NCAM2: variants seen among roughly 807,000 people sequenced by gnomAD.
The protein encoded by NCAM2 is neural cell adhesion molecule 2, also known as N-CAM-2.
Under a neutral mutation model 98.1 loss-of-function variants are expected in NCAM2, and 30 were observed. The ratio of observed to expected loss-of-function variants is 0.31; its 90% CI spans 0.23 to 0.41. NCAM2 has a LOEUF of 0.41. Ranked by LOEUF, NCAM2 falls within the 10% of genes least tolerant of loss-of-function variation. The probability of loss-of-function intolerance (pLI) is 1.00; values close to 1 mark genes in which losing one functional copy is unlikely to be tolerated. For synonymous variants in NCAM2, 368 were observed against 342.4 expected (o/e 1.07, Z -0.83); for missense variants, 867 against 1,005.8 (o/e 0.86, Z 1.87).
chr21:21,514,558 CTT>C (rs1035311035), intron 16 of NCAM2, among the ~76,000 whole-genome samples: 2 of 150,200 alleles, frequency 1.3e-5, no homozygotes, highest in Non-Finnish European at 3.0e-5. Context: ...TAATTTGTCT[CTT>C]GTCTTATTTT....
chr21:21,174,073 G>A (rs970128186), intron 1 of NCAM2, among the ~76,000 whole-genome samples: 3 of 151,980 alleles, frequency 2.0e-5, no homozygotes, highest in East Asian at 1.9e-4. Flanking sequence ...ACGAGCGTGC[G>A]CCACTACGCC....
At chr21:21,416,016 C>T (rs62207443) in intron 10 of NCAM2, among the ~76,000 whole-genome samples, 10,935 of 152,136 alleles carry the variant, frequency 0.072, 431 homozygotes, top group East Asian at 0.15. Flanking sequence ...CTGTTTGTTG[C>T]AATAGGCTTC....
chr21:21,330,270 A>C (rs2074635317), intron 6 of NCAM2, among the ~76,000 whole-genome samples: 2 of 152,084 alleles, frequency 1.3e-5, no homozygotes, highest in Admixed American at 6.6e-5. Flanking sequence ...ATTCTAATAC[A>C]AGCATCTGTT....
intron 16 of NCAM2, among the ~76,000 whole-genome samples, chr21:21,512,756 G>A (rs181488542): frequency 6.6e-6 from 1 of 151,968 alleles, no homozygotes; most frequent in African/African-American, 2.4e-5. Context: ...TCATCTTGAA[G>A]TTTTCATCAA....
chr21:21,103,242 A>AT (rs71193397), intron 1 of NCAM2, among the ~76,000 whole-genome samples: 152,148 of 152,148 alleles, frequency 1, 76,074 homozygotes, highest in Non-Finnish European at 1. Context: ...AATAGTATTT[A>AT]GGTTAGTCAT....
chr21:21,083,430 T>C (rs1002720762), intron 1 of NCAM2, among the ~76,000 whole-genome samples: 1 of 150,658 alleles, frequency 6.6e-6, no homozygotes, highest in Non-Finnish European at 1.5e-5. Flanking sequence ...CATCTTTTTT[T>C]TTTTTTTGAG....
At chr21:21,422,615 G>A (rs1175603021) in intron 11 of NCAM2, among the ~76,000 whole-genome samples, 1 of 151,978 alleles carries the variant, frequency 6.6e-6, no homozygotes, top group Non-Finnish European at 1.5e-5. Flanking sequence ...ACATTGGGGG[G>A]AAAAAGTAAT....
intron 1 of NCAM2, among the ~76,000 whole-genome samples, chr21:21,177,561 CAT>C (rs902392712): frequency 3.3e-5 from 5 of 152,150 alleles, no homozygotes; most frequent in South Asian, 2.1e-4. Flanking sequence ...ATGAATAGCA[CAT>C]GTCACATATA....
intron 15 of NCAM2, among the ~76,000 whole-genome samples, chr21:21,504,949 C>G (rs574022461): frequency 7.9e-5 from 12 of 151,724 alleles, no homozygotes; most frequent in Admixed American, 6.6e-4. Flanking sequence ...TCCAATTATA[C>G]TTTTAGTTAT....
chr21:21,093,568 C>T (rs1028935518), intron 1 of NCAM2, among the ~76,000 whole-genome samples: 1 of 151,998 alleles, frequency 6.6e-6, no homozygotes, highest in African/African-American at 2.4e-5. Flanking sequence ...ATCTTTAAAA[C>T]TTGCATCACA....
intron 15 of NCAM2, among the ~76,000 whole-genome samples, chr21:21,478,655 A>T (rs1001097785): frequency 6.6e-6 from 1 of 152,102 alleles, no homozygotes; most frequent in African/African-American, 2.4e-5. Context: ...CCAAATTATA[A>T]TTTAAAATTA....
chr21:21,416,895 ATG>A (rs796422565), intron 10 of NCAM2, among the ~76,000 whole-genome samples: 252 of 151,266 alleles, frequency 1.7e-3, no homozygotes, highest in African/African-American at 5.5e-3. Context: ...ATGTGTGTGG[ATG>A]TGTGTGTGTG....
At chr21:21,220,256 A>G (rs1337604708) in intron 1 of NCAM2, among the ~76,000 whole-genome samples, 2 of 152,206 alleles carry the variant, frequency 1.3e-5, no homozygotes, top group Non-Finnish European at 2.9e-5. Context: ...AGCAACTTCT[A>G]GTCCTGCAAG....
chr21:21,254,915 T>A (rs1217352559), intron 1 of NCAM2, among the ~76,000 whole-genome samples: 2 of 147,722 alleles, frequency 1.4e-5, no homozygotes, highest in Non-Finnish European at 1.5e-5. Context: ...TGTGTGTGTG[T>A]GTGTGTGTGT....
At chr21:21,531,909 C>T (rs2146421001) in intron 16 of NCAM2, among the ~76,000 whole-genome samples, 2 of 150,586 alleles carry the variant, frequency 1.3e-5, no homozygotes, top group Non-Finnish European at 3.0e-5. Flanking sequence ...AGGAGAATGG[C>T]GTGAACCCAG....
At chr21:21,040,523 A>C (rs908358617) in intron 1 of NCAM2, among the ~76,000 whole-genome samples, 1 of 152,146 alleles carries the variant, frequency 6.6e-6, no homozygotes, top group Non-Finnish European at 1.5e-5. Context: ...GCTCACAAGG[A>C]TATAGGACAA....
chr21:21,400,237 G>T (rs1470086411), intron 9 of NCAM2, among the ~76,000 whole-genome samples: 1 of 152,182 alleles, frequency 6.6e-6, no homozygotes, highest in Non-Finnish European at 1.5e-5. Context: ...TAATGTCAGA[G>T]ATTCAGTCAA....
chr21:21,373,768 G>T, intron 8 of NCAM2, 95 bp from the exon 9 acceptor site: 1 of 1,097,350 alleles, frequency 9.1e-7, no homozygotes, highest in Non-Finnish European at 1.2e-6. Flanking sequence ...CTTTTTGCCA[G>T]AGAAACATGG....
chr21:21,526,092 C>G (rs1602561360), intron 16 of NCAM2, among the ~76,000 whole-genome samples: 1 of 152,090 alleles, frequency 6.6e-6, no homozygotes, highest in Middle Eastern at 3.4e-3. Flanking sequence ...TCCTCTCTCA[C>G]TAATTCTTTT....
Sources: allele counts gnomAD v4.1 joint callset (sites outside exome capture counted in the v4.1 genomes callset), GRCh38; gene constraint gnomAD v4.1.1; transcripts MANE v1.5; gene names NCBI Gene and HGNC (gene_info 2026-07-23, HGNC 2026-07-21).